Variants in ARK2C observed in about 807,000 individuals in gnomAD.
ARK2C encodes arkadia (RNF111) C-terminal like ring finger ubiquitin ligase 2C, also known as E3 ubiquitin-protein ligase ARK2C.
chr18:46,373,488 T>A, the ARK2C span, among the ~76,000 whole-genome samples: 17,747 of 152,266 alleles, frequency 0.12, 1,344 homozygotes, highest in South Asian at 0.21. Context: ...CCTGGGTGCA[T>A]CCTGGGGAGC....
chr18:46,366,565 G>C, the ARK2C span, among the ~76,000 whole-genome samples: 162 of 152,306 alleles, frequency 1.1e-3, 1 homozygote, highest in Admixed American at 2.0e-3. Flanking sequence ...AAATGGCAGT[G>C]CCTAGCAATG....
chr18:46,450,209 AGT>A, the ARK2C span: 4 of 819,226 alleles, frequency 4.9e-6, no homozygotes, highest in East Asian at 7.3e-5. Context: ...GGGTGTACTG[AGT>A]GGGTTACAGG....
At chr18:46,352,237 GC>G in the ARK2C span, among the ~76,000 whole-genome samples, 1 of 152,096 alleles carries the variant, frequency 6.6e-6, no homozygotes, top group African/African-American at 2.4e-5. Context: ...GCTGGTCAAA[GC>G]CCAGAAAATG....
At chr18:46,403,643 C>T in the ARK2C span, among the ~76,000 whole-genome samples, 14 of 152,008 alleles carry the variant, frequency 9.2e-5, no homozygotes, top group Admixed American at 6.6e-4. Context: ...TTTGGGAGGC[C>T]GAGGCGGGTG....
chr18:46,345,070 C>T, the ARK2C span, among the ~76,000 whole-genome samples: 1 of 152,234 alleles, frequency 6.6e-6, no homozygotes, highest in African/African-American at 2.4e-5. Context: ...CAAGCTGATG[C>T]TGAGGCTGCT....
the ARK2C span, chr18:46,385,738 A>G: frequency 1.3e-5 from 2 of 152,104 alleles, no homozygotes; most frequent in Non-Finnish European, 2.9e-5. Flanking sequence ...CCAAGCCTGC[A>G]CTTTTGGCAG....
At chr18:46,411,617 C>G in the ARK2C span, among the ~76,000 whole-genome samples, 3 of 152,238 alleles carry the variant, frequency 2.0e-5, no homozygotes, top group East Asian at 5.8e-4. Context: ...TTCCTGTCCC[C>G]AGCTGTGACG....
the ARK2C span, among the ~76,000 whole-genome samples, chr18:46,420,901 AT>A: frequency 6.6e-6 from 1 of 152,140 alleles, no homozygotes; most frequent in Non-Finnish European, 1.5e-5. Context: ...TCTGCTTTTA[AT>A]TTACTTGAGT....
At chr18:46,425,872 T>A in the ARK2C span, among the ~76,000 whole-genome samples, 1 of 152,300 alleles carries the variant, frequency 6.6e-6, no homozygotes, top group South Asian at 2.1e-4. Context: ...CTAATCACAG[T>A]TCTGGAGGCT....
chr18:46,341,100 A>G, the ARK2C span, among the ~76,000 whole-genome samples: 1 of 152,148 alleles, frequency 6.6e-6, no homozygotes, highest in Non-Finnish European at 1.5e-5. Context: ...CTGTCTTTGA[A>G]TGGCTCTCCT....
At chr18:46,403,156 C>T in the ARK2C span, among the ~76,000 whole-genome samples, 1 of 152,174 alleles carries the variant, frequency 6.6e-6, no homozygotes, top group Admixed American at 6.5e-5. Context: ...CTTGTTGGTT[C>T]GTCTGTGCTT....
chr18:46,408,730 A>G, the ARK2C span, among the ~76,000 whole-genome samples: 1 of 152,228 alleles, frequency 6.6e-6, no homozygotes, highest in Non-Finnish European at 1.5e-5. Flanking sequence ...AGAACACACC[A>G]GCCATTAGGG....
the ARK2C span, among the ~76,000 whole-genome samples, chr18:46,347,057 G>A: frequency 2.0e-5 from 3 of 152,184 alleles, no homozygotes; most frequent in South Asian, 2.1e-4. Flanking sequence ...CTTAGCGCAC[G>A]GGATGGGGAG....
At chr18:46,460,360 A>G in the ARK2C span, 1 of 152,474 alleles carries the variant, frequency 6.6e-6, no homozygotes, top group Non-Finnish European at 1.5e-5. Flanking sequence ...TTCAGCTGAT[A>G]GAAAAACAAA....
At chr18:46,336,275 C>T in the ARK2C span, 1 of 985,144 alleles carries the variant, frequency 1.0e-6, no homozygotes, top group Non-Finnish European at 1.2e-6. Flanking sequence ...TTAATACCAC[C>T]AATCTCTAAA....
chr18:46,388,318 G>GAAACA, the ARK2C span, among the ~76,000 whole-genome samples: 5 of 152,110 alleles, frequency 3.3e-5, no homozygotes, highest in Admixed American at 6.5e-5. Flanking sequence ...AAGTTGGCAG[G>GAAACA]AAACAAAACA....
chr18:46,392,162 C>T, the ARK2C span, among the ~76,000 whole-genome samples: 49 of 152,248 alleles, frequency 3.2e-4, no homozygotes, highest in South Asian at 2.1e-3. Context: ...ACACCACACA[C>T]GTGTACCACA....
At chr18:46,347,638 G>A in the ARK2C span, among the ~76,000 whole-genome samples, 9 of 152,152 alleles carry the variant, frequency 5.9e-5, no homozygotes, top group Non-Finnish European at 8.8e-5. Flanking sequence ...TGTACCCACC[G>A]TGAGTGGCTC....
chr18:46,363,232 C>T, the ARK2C span, among the ~76,000 whole-genome samples: 2 of 152,222 alleles, frequency 1.3e-5, no homozygotes, highest in Admixed American at 1.3e-4. Flanking sequence ...ATCCCTCCTT[C>T]TCTGGGCTTT....
Sources: gnomAD v4.1 joint callset for allele counts (sites outside exome capture counted in the v4.1 genomes callset) on GRCh38, gnomAD v4.1.1 for gene constraint, MANE v1.5 for transcripts, NCBI Gene and HGNC (gene_info 2026-07-23, HGNC 2026-07-21) for gene names.